PLCB4: variants seen among roughly 807,000 people sequenced by gnomAD.
The protein encoded by PLCB4 is 1-phosphatidylinositol 4,5-bisphosphate phosphodiesterase beta-4.
PLCB4 carries 77 observed loss-of-function variants against 178.8 expected under a neutral mutation model. The observed-to-expected ratio is 0.43, with a 90% CI of 0.36 to 0.52. PLCB4 has a LOEUF of 0.52. Among genes scored for constraint, PLCB4 ranks in the 20% least tolerant of loss-of-function variants. The pLI is 0.00. For synonymous variants in PLCB4, 496 were observed against 490.8 expected (o/e 1.01, Z -0.14); for missense variants, 1,024 against 1,453.4 (o/e 0.70, Z 4.80).
intron 4 of PLCB4, among the ~76,000 whole-genome samples, chr20:9,318,368 C>T (rs1256792866): frequency 1.3e-5 from 2 of 151,048 alleles, no homozygotes; most frequent in Non-Finnish European, 2.9e-5. Flanking sequence ...TGGGTGGGGC[C>T]ATAGGAGTGG....
At chr20:9,070,270 A>G (rs1270705335) in intron 1 of PLCB4, among the ~76,000 whole-genome samples, 4 of 152,208 alleles carry the variant, frequency 2.6e-5, no homozygotes, top group Admixed American at 2.6e-4. Flanking sequence ...TTAAGAAAGT[A>G]TCTGAACAAC....
chr20:9,314,182 C>G (rs1278201589), intron 4 of PLCB4, among the ~76,000 whole-genome samples: 1 of 152,158 alleles, frequency 6.6e-6, no homozygotes, highest in Non-Finnish European at 1.5e-5. Context: ...GTGTCCACAC[C>G]ATCAATGGGT....
At chr20:9,343,899 C>T (rs781383575) in intron 7 of PLCB4, among the ~76,000 whole-genome samples, 3 of 152,200 alleles carry the variant, frequency 2.0e-5, no homozygotes, top group African/African-American at 7.2e-5. Flanking sequence ...ATCCAGAATC[C>T]AGCTGCTCCT....
At chr20:9,383,367 A>G (rs2087879955) in intron 13 of PLCB4, among the ~76,000 whole-genome samples, 1 of 152,250 alleles carries the variant, frequency 6.6e-6, no homozygotes, top group South Asian at 2.1e-4. Flanking sequence ...ACACTGGTGT[A>G]GGCCCGTGGC....
chr20:9,337,055 A>T (rs1256617600), intron 4 of PLCB4, 71 bp from the exon 5 acceptor site: 6 of 928,984 alleles, frequency 6.5e-6, no homozygotes, highest in Non-Finnish European at 1.1e-5. Flanking sequence ...TTAGAAGCTC[A>T]GCAATATTTT....
chr20:9,334,832 G>A (rs2032218241), intron 4 of PLCB4, among the ~76,000 whole-genome samples: 1 of 152,060 alleles, frequency 6.6e-6, no homozygotes, highest in Non-Finnish European at 1.5e-5. Flanking sequence ...GGACCAGATG[G>A]AATTCCAAGA....
intron 28 of PLCB4, among the ~76,000 whole-genome samples, chr20:9,429,226 A>G (rs898182974): frequency 6.6e-6 from 1 of 152,164 alleles, no homozygotes; most frequent in Non-Finnish European, 1.5e-5. Context: ...GGCCACCTAC[A>G]TGGGTTCTGC....
At position 9,373,718 on chromosome 20, in the gene PLCB4, T is replaced by C. The variant is rs768973469; in HGVS notation, c.744+614T>C. 4.1e-4 allele frequency among the ~76,000 whole-genome samples: 62 copies of C among 152,166 alleles called. 1 individual carries two copies. Among genetic ancestry groups the C allele is most frequent in the Non-Finnish European group, 2.9e-4 (20 of 68,028 alleles). On this transcript the variant is annotated intron_variant, in intron 12 of 39. Transcript: ENST00000378473. ...AACAAGCTCAGAGCTAATTTTAGAA[T>C]GTGATTAACTTAACAACCAAAACTG...
intron 2 of PLCB4, 148 bp downstream of exon 2, chr20:9,096,490 A>T (rs1448192790): frequency 6.6e-6 from 1 of 152,236 alleles, no homozygotes; most frequent in Non-Finnish European, 1.5e-5. Flanking sequence ...ATCTTTCTAA[A>T]TTCAATATTT....
intron 3 of PLCB4, among the ~76,000 whole-genome samples, chr20:9,301,507 C>T (rs1048917714): frequency 3.3e-5 from 5 of 152,022 alleles, no homozygotes; most frequent in Non-Finnish European, 7.4e-5. Flanking sequence ...TTCCTGAAGA[C>T]CACCTTATAG....
intron 7 of PLCB4, among the ~76,000 whole-genome samples, chr20:9,347,227 T>C (rs1344991362): frequency 1.3e-5 from 2 of 152,170 alleles, no homozygotes; most frequent in African/African-American, 4.8e-5. Flanking sequence ...GGGGGCACTT[T>C]CACTTATTTC....
rs1213237269 is a variant in PLCB4 at position 9,252,350 on chromosome 20, A to G, written c.-16+34898A>G. ...TTAGAACTGCTAAATCTTGGGTCCTATGCTAGAGCTACGAAATCAAAATTT... is the reference window on the plus strand; with the variant it reads ...TTAGAACTGCTAAATCTTGGGTCCTGTGCTAGAGCTACGAAATCAAAATTT... On this transcript the variant is annotated intron_variant, in intron 3 of 39. Coordinates refer to ENST00000378473, the MANE Select transcript of PLCB4 (RefSeq NM_001377142.1). Among the ~76,000 whole-genome samples the G allele has an allele frequency of 4.6e-5, 7 of 152,320 alleles. No homozygotes were observed. The East Asian group carries it at 1.3e-3, about 29-fold the overall frequency.
intron 1 of PLCB4, among the ~76,000 whole-genome samples, chr20:9,091,277 T>C (rs2090668462): frequency 6.6e-6 from 1 of 151,998 alleles, no homozygotes; most frequent in South Asian, 2.1e-4. Context: ...AACTGTAAAA[T>C]GAGCTAGAGA....
chr20:9,085,504 TTTTGTATATCTTATTTTGGA>T, intron 1 of PLCB4, among the ~76,000 whole-genome samples: 1 of 152,278 alleles, frequency 6.6e-6, no homozygotes, highest in East Asian at 1.9e-4. Flanking sequence ...TATTTCATGG[TTTTGTATATCTTATTTTGGA>T]TTTGTATGCA....
chr20:9,136,391 G>T (rs2146843890), intron 2 of PLCB4, among the ~76,000 whole-genome samples: 1 of 152,228 alleles, frequency 6.6e-6, no homozygotes, highest in African/African-American at 2.4e-5. Flanking sequence ...GCTCCTCTGT[G>T]CTGGGGCCCT....
At chr20:9,359,336 C>T (rs1023602634) in intron 7 of PLCB4, among the ~76,000 whole-genome samples, 1 of 152,116 alleles carries the variant, frequency 6.6e-6, no homozygotes, top group African/African-American at 2.4e-5. Context: ...TCAAAAGCTC[C>T]AGGAGAGAAT....
At position 9,465,567 on chromosome 20, in the gene PLCB4, A is replaced by G. The variant is rs141968333; in HGVS notation, c.3249-3004A>G. Among the ~76,000 whole-genome samples, 1,331 of 152,348 alleles carry G rather than the reference A, an allele frequency of 8.7e-3. 22 individuals carry two copies. The highest frequency in any genetic ancestry group is 0.03 in the African/African-American group (1,234 of 41,580). ...CTCAGCCCCAAATCTCCTCAAGCTGATAAGCAACTTCAGCAAAGTCTCAGG... is the reference window on the plus strand; with the variant it reads ...CTCAGCCCCAAATCTCCTCAAGCTGGTAAGCAACTTCAGCAAAGTCTCAGG... On this transcript the variant is annotated intron_variant, in intron 35 of 39. Coordinates refer to ENST00000378473, the MANE Select transcript of PLCB4 (RefSeq NM_001377142.1).
chr20:9,137,364 C>T (rs546744998), intron 2 of PLCB4, among the ~76,000 whole-genome samples: 5 of 152,138 alleles, frequency 3.3e-5, no homozygotes, highest in East Asian at 3.9e-4. Flanking sequence ...AGGCATAAAT[C>T]GTACTCAAGC....
chr20:9,437,604 C>T (rs1474939498), intron 30 of PLCB4, among the ~76,000 whole-genome samples: 2 of 152,098 alleles, frequency 1.3e-5, no homozygotes, highest in Non-Finnish European at 2.9e-5. Context: ...TATGAATTGG[C>T]CAGACATCCA....
Sources: allele counts gnomAD v4.1 joint callset (sites outside exome capture counted in the v4.1 genomes callset), GRCh38; gene constraint gnomAD v4.1.1; transcripts MANE v1.5; gene names NCBI Gene and HGNC (gene_info 2026-07-23, HGNC 2026-07-21).